SOS2: variants seen among roughly 807,000 people sequenced by gnomAD.
SOS2 encodes the protein SOS Ras/Rho guanine nucleotide exchange factor 2.
Under a neutral mutation model 148.2 loss-of-function variants are expected in SOS2, and 65 were observed. The observed-to-expected ratio is 0.44, with a 90% CI of 0.36 to 0.54. The LOEUF is 0.54. Ranked by LOEUF, SOS2 falls within the 20% of genes least tolerant of loss-of-function variation. The pLI, the probability that SOS2 is intolerant of heterozygous loss-of-function variation, is 0.00. For synonymous variants in SOS2, 539 were observed against 537.1 expected (o/e 1.00, Z -0.05); for missense variants, 1,341 against 1,590.2 (o/e 0.84, Z 2.67).
rs778274098 is a variant in SOS2 at position 50,159,882 on chromosome 14, G to A, written c.1401C>T (p.Ile467=). Residue 467 remains isoleucine (I), a synonymous_variant, in exon 10 of 23, where the codon ATC becomes ATT. Coordinates refer to ENST00000216373, the MANE Select transcript of SOS2 (RefSeq NM_006939.4). ...RHIFLFDGLM[I]SCKPNHGQTR... ...TCTGGCCATGATTAGGTTTACAACT[G>A]ATCATTAAGCCATCAAACAGAAAAA... The A allele has an allele frequency of 1.2e-5, 19 of 1,613,868 alleles. No homozygotes were observed. Among genetic ancestry groups the A allele is most frequent in the Admixed American group, 3.3e-5 (2 of 60,002 alleles).
intron 21 of SOS2, among the ~76,000 whole-genome samples, chr14:50,127,591 C>T (rs1302278451): frequency 6.6e-6 from 1 of 152,204 alleles, no homozygotes; most frequent in Non-Finnish European, 1.5e-5. Context: ...CCCAGTGGAG[C>T]AGAGTTGCTT....
intron 1 of SOS2, among the ~76,000 whole-genome samples, chr14:50,206,857 C>T (rs578130560): frequency 6.6e-6 from 1 of 152,250 alleles, no homozygotes; most frequent in African/African-American, 2.4e-5. Context: ...CTGCCACCCA[C>T]GTTGGAATGC....
chr14:50,209,684 G>A (rs146811634), intron 1 of SOS2, among the ~76,000 whole-genome samples: 6 of 152,018 alleles, frequency 3.9e-5, no homozygotes, highest in East Asian at 1.9e-4. Flanking sequence ...ACCTGAACCC[G>A]GAGGTCGAGG....
intron 4 of SOS2, among the ~76,000 whole-genome samples, chr14:50,189,843 AT>A (rs1168145254): frequency 2.2e-5 from 1 of 45,080 alleles, no homozygotes; most frequent in South Asian, 4.4e-4. Flanking sequence ...ACTATACTTT[AT>A]TTTTTATTTT....
intron 4 of SOS2, among the ~76,000 whole-genome samples, chr14:50,190,149 G>C (rs1472262369): frequency 6.6e-6 from 1 of 151,846 alleles, no homozygotes; most frequent in East Asian, 1.9e-4. Context: ...CACTGCGCCT[G>C]GCTGTGACCA....
chr14:50,213,245 T>C (rs10131895), intron 1 of SOS2, among the ~76,000 whole-genome samples: 45,560 of 151,898 alleles, frequency 0.3, 7,145 homozygotes, highest in Admixed American at 0.4. Flanking sequence ...CTTGACAGAG[T>C]ATGCAATGGG....
At chr14:50,157,949 AATG>A (rs1178856270) in intron 11 of SOS2, among the ~76,000 whole-genome samples, 1 of 152,164 alleles carries the variant, frequency 6.6e-6, no homozygotes, top group African/African-American at 2.4e-5. Flanking sequence ...TAGGTTTAAT[AATG>A]ATATCTGATT....
Position 50,130,609 on chromosome 14 carries a change from C to G in SOS2, c.3229G>C (p.Glu1077Gln). Residue 1077 changes from glutamate to glutamine, a missense_variant, in exon 20 of 23, where the codon GAA becomes CAA. Glu to Gln is a conservative substitution (Grantham distance 29, BLOSUM62 2). Coordinates refer to ENST00000216373, the MANE Select transcript of SOS2 (RefSeq NM_006939.4). ...GAGGTTGGTGCTGACACTGTTGATT[C>G]CAGCTCAGTTTCAGCAATCCGACTA... The part of the protein sequence containing the change: ...SFSRIAETEL[E>Q]STVSAPTSPN... 6.2e-7 allele frequency: 1 copy of G among 1,614,076 alleles called. No homozygotes were observed. The highest frequency in any genetic ancestry group is 1.1e-5 in the South Asian group (1 of 91,080).
At chr14:50,161,791 T>TTC (rs1206176696) in intron 8 of SOS2, among the ~76,000 whole-genome samples, 182 bp from the exon 9 acceptor site, 1 of 60,514 alleles carries the variant, frequency 1.7e-5, no homozygotes, top group Admixed American at 2.4e-4. Context: ...TTTTCTTTCT[T>TTC]TTTTTTTTTT....
At chr14:50,215,180 A>C (rs1887010236) in intron 1 of SOS2, among the ~76,000 whole-genome samples, 1 of 151,984 alleles carries the variant, frequency 6.6e-6, no homozygotes, top group Non-Finnish European at 1.5e-5. Context: ...CAAGGGCCCC[A>C]CTCAGTGAAA....
chr14:50,223,292 T>G (rs953298370), intron 1 of SOS2, among the ~76,000 whole-genome samples: 4 of 152,078 alleles, frequency 2.6e-5, no homozygotes, highest in African/African-American at 9.7e-5. Flanking sequence ...CTCAAACACT[T>G]TGGAGGCTGA....
chr14:50,120,126 A>T, intron 22 of SOS2, 149 bp downstream of exon 22: 2 of 573,194 alleles, frequency 3.5e-6, no homozygotes, highest in South Asian at 4.7e-5. Flanking sequence ...AGGATTAAAC[A>T]ACTAAAAGTA....
Position 50,174,492 on chromosome 14 carries a change from G to A in SOS2, c.1030C>T (p.Pro344Ser). 6.2e-7 allele frequency: 1 copy of A among 1,609,630 alleles called. No homozygotes were observed. Reference sequence around the variant, plus strand: ...AAGTAGTGCCAACAGTGATACACTGGCACCAGCATAAGACGTGGAAGGACA... The same window carrying A: ...AAGTAGTGCCAACAGTGATACACTGACACCAGCATAAGACGTGGAAGGACA... ...RYVLPRLMLV[P>S]VYHCWHYFEL... Residue 344 changes from proline (P) to serine (S), a missense_variant, in exon 8 of 23, where the codon CCA becomes TCA. This residue lies in a region of SOS2 where 574 missense variants were observed against 711.1 expected (regional missense o/e 0.81). Coordinates refer to ENST00000216373, the MANE Select transcript of SOS2 (RefSeq NM_006939.4).
chr14:50,169,538 G>A (rs530541353), intron 8 of SOS2, among the ~76,000 whole-genome samples: 14 of 151,892 alleles, frequency 9.2e-5, no homozygotes, highest in Non-Finnish European at 1.6e-4. Flanking sequence ...TACTTGGGAG[G>A]CTGAGGCAGG....
At chr14:50,204,147 T>A (rs1886591080) in intron 2 of SOS2, 137 bp downstream of exon 2, 2 of 519,090 alleles carry the variant, frequency 3.9e-6, no homozygotes, top group African/African-American at 2.0e-5. Context: ...GACATTTTTG[T>A]CAAAAACAAA....
intron 7 of SOS2, 99 bp downstream of exon 7, chr14:50,180,473 G>A (rs1885695167): frequency 4.9e-6 from 3 of 606,708 alleles, no homozygotes; most frequent in Admixed American, 3.5e-5. Context: ...GAAGGATTAC[G>A]AGGATTCCAG....
chr14:50,129,530 G>A (rs143130753), intron 21 of SOS2, among the ~76,000 whole-genome samples: 1,979 of 152,108 alleles, frequency 0.013, 39 homozygotes, highest in African/African-American at 0.044. Context: ...GACTACAGGC[G>A]TGCACCACCA....
At chr14:50,230,086 T>C (rs1359684898) in intron 1 of SOS2, among the ~76,000 whole-genome samples, 2 of 152,210 alleles carry the variant, frequency 1.3e-5, no homozygotes, top group East Asian at 3.8e-4. Context: ...AGGAAAGCAA[T>C]ACTTCCTTGT....
chr14:50,151,656 A>ATG (rs746127137), intron 13 of SOS2, among the ~76,000 whole-genome samples: 1 of 152,128 alleles, frequency 6.6e-6, no homozygotes, highest in Admixed American at 6.6e-5. Context: ...ATTTATTCTA[A>ATG]TGTGTGTGTG....
Sources: gnomAD v4.1 joint callset for allele counts (sites outside exome capture counted in the v4.1 genomes callset) on GRCh38, gnomAD v4.1.1 for gene constraint, gnomAD v4.1.1 regional missense constraint, MANE v1.5 for transcripts, NCBI Gene and HGNC (gene_info 2026-07-23, HGNC 2026-07-21) for gene names.